LRRC49: variants seen among roughly 807,000 people sequenced by gnomAD.
The protein encoded by LRRC49 is leucine rich repeat containing 49.
LRRC49 carries 50 observed loss-of-function variants against 83.3 expected under a neutral mutation model. That is an observed-to-expected ratio of 0.60 (90% CI 0.48 to 0.76). The LOEUF (loss-of-function observed/expected upper bound fraction) is 0.76, where lower values mean the gene tolerates loss of function less well. Ranked by LOEUF, LRRC49 falls within the 30% of genes least tolerant of loss-of-function variation. The pLI, the probability that LRRC49 is intolerant of heterozygous loss-of-function variation, is 0.00. For synonymous variants in LRRC49, 286 were observed against 283.3 expected (o/e 1.01, Z -0.10); for missense variants, 704 against 809.1 (o/e 0.87, Z 1.58).
At position 70,937,085 on chromosome 15, in the gene LRRC49, T is replaced by G. The variant is rs551528214; in HGVS notation, c.773+263T>G. Among the ~76,000 whole-genome samples the G allele has an allele frequency of 2.6e-5, 4 of 152,354 alleles. No homozygotes were observed. In the South Asian group the frequency reaches 8.3e-4, roughly 32 times the overall value. ...TGCTCTTTTGTAAAACATGAGTACA[T>G]AGAAATTTCAATGTATATTTTGCTG... is the stretch of plus-strand genomic sequence containing the variant. On this transcript the variant is annotated intron_variant, in intron 8 of 15. Transcript: ENST00000260382.
At chr15:70,982,177 G>A (rs1310787693) in intron 10 of LRRC49, among the ~76,000 whole-genome samples, 2 of 152,070 alleles carry the variant, frequency 1.3e-5, no homozygotes, top group Non-Finnish European at 2.9e-5. Context: ...GTGGTCTAAA[G>A]ATATTTTATG....
chr15:71,039,371 T>C (rs2039628384), intron 15 of LRRC49, among the ~76,000 whole-genome samples: 1 of 152,176 alleles, frequency 6.6e-6, no homozygotes, highest in Non-Finnish European at 1.5e-5. Flanking sequence ...ATGTCTCCTC[T>C]TCCTGAATAC....
chr15:70,865,480 C>T (rs1250218111), intron 1 of LRRC49, among the ~76,000 whole-genome samples: 1 of 152,134 alleles, frequency 6.6e-6, no homozygotes, highest in Non-Finnish European at 1.5e-5. Flanking sequence ...ATGTTTCATT[C>T]CAAGAATGTT....
intron 12 of LRRC49, 123 bp from the exon 13 acceptor site, chr15:71,009,684 A>G: frequency 1.7e-6 from 1 of 602,994 alleles, no homozygotes; most frequent in East Asian, 2.9e-5. Context: ...GTAATTGAAA[A>G]CATATTTGCT....
rs543530116 is a variant in LRRC49 at position 70,918,754 on chromosome 15, C to G, written c.568-296C>G. On this transcript the variant is annotated intron_variant, in intron 6 of 15. Transcript: ENST00000260382. The stretch of plus-strand genomic sequence containing the variant: ...CAGGTAGTATGTAGCCTTCACAGAA[C>G]CTGGGACAGACTGGGCACGTAAAGT... 3.7e-5 allele frequency: 9 copies of G among 243,594 alleles called. No homozygotes were observed. The South Asian group carries it at 5.6e-4, about 15-fold the overall frequency. 15.1% of individuals were successfully genotyped at this position (243,594 alleles called of 1,614,324 possible). A position where few individuals can be genotyped will look rare whatever the true frequency, so the allele number is the denominator to read the frequency against.
chr15:70,858,056 C>T (rs2032694448), intron 1 of LRRC49, among the ~76,000 whole-genome samples: 1 of 152,184 alleles, frequency 6.6e-6, no homozygotes, highest in Admixed American at 6.5e-5. Flanking sequence ...TTCCAAGAAC[C>T]TTCATACCAA....
At chr15:70,985,929 C>T (rs1377316223) in intron 11 of LRRC49, among the ~76,000 whole-genome samples, 1 of 144,092 alleles carries the variant, frequency 6.9e-6, no homozygotes, top group Non-Finnish European at 1.5e-5. Context: ...TGTCAAAGAT[C>T]AGATAGTTGT....
chr15:70,933,706 A>C (rs531557677), intron 7 of LRRC49, among the ~76,000 whole-genome samples: 20 of 152,336 alleles, frequency 1.3e-4, no homozygotes, highest in African/African-American at 4.1e-4. Context: ...AGGCAGAGAC[A>C]GGAGATTTAG....
chr15:70,959,311 G>A (rs1238535784), intron 8 of LRRC49, among the ~76,000 whole-genome samples: 1 of 152,048 alleles, frequency 6.6e-6, no homozygotes, highest in Non-Finnish European at 1.5e-5. Context: ...TGGCCATGGT[G>A]AAACCCTGTC....
intron 2 of LRRC49, among the ~76,000 whole-genome samples, chr15:70,877,104 C>T (rs944725344): frequency 2.0e-5 from 3 of 152,180 alleles, no homozygotes; most frequent in African/African-American, 7.2e-5. Context: ...TATATCCTCT[C>T]TCTCCTTAAA....
chr15:70,869,560 G>C (rs2032985488), intron 1 of LRRC49, among the ~76,000 whole-genome samples: 1 of 152,108 alleles, frequency 6.6e-6, no homozygotes, highest in South Asian at 2.1e-4. Context: ...GGGCTGGTGG[G>C]CATTTTAGGC....
rs113210155 is a variant in LRRC49, at chr15:71,050,844, C to CT, written c.*1245dup. On this transcript the variant is annotated 3_prime_UTR_variant, in exon 16 of 16. Coordinates refer to ENST00000260382, the MANE Select transcript of LRRC49 (RefSeq NM_017691.5). ...AAGGCTGTCCTGGTTTTTTCTTTTT[C>CT]TTTTTTTTTTTTTGAGACAGAGTCT... 6,134 of 144,704 alleles carry CT rather than the reference C, an allele frequency of 0.042. 142 individuals are homozygous for CT. The highest frequency in any genetic ancestry group is 0.08 in the Middle Eastern group (22 of 276). 9.0% of individuals were successfully genotyped at this position (144,704 alleles called of 1,614,324 possible).
intron 9 of LRRC49, among the ~76,000 whole-genome samples, chr15:70,966,257 C>T (rs1264071115): frequency 2.0e-5 from 3 of 152,096 alleles, no homozygotes; most frequent in African/African-American, 7.2e-5. Flanking sequence ...GGTTCCTAAA[C>T]TGCGTGCAGA....
upstream of LRRC49, chr15:70,891,959 T>A (rs751079514): frequency 8.1e-6 from 13 of 1,613,576 alleles, no homozygotes; most frequent in Admixed American, 6.7e-5. Flanking sequence ...GCGGCCTGCT[T>A]GGTCTCCCTC....
chr15:70,905,567 T>G (rs574274840), intron 5 of LRRC49, among the ~76,000 whole-genome samples: 1 of 152,270 alleles, frequency 6.6e-6, no homozygotes, highest in East Asian at 1.9e-4. Flanking sequence ...GAGAAAAGCA[T>G]TAACAATTTA....
chr15:70,904,470 A>G, intron 4 of LRRC49, 82 bp from the exon 5 acceptor site: 2 of 923,250 alleles, frequency 2.2e-6, no homozygotes, highest in Non-Finnish European at 3.4e-6. Flanking sequence ...GAATGGGAGC[A>G]CAAAGATACT....
intron 1 of LRRC49, among the ~76,000 whole-genome samples, chr15:70,856,019 G>C (rs538830292): frequency 6.6e-6 from 1 of 152,050 alleles, no homozygotes; most frequent in Admixed American, 6.6e-5. Context: ...ATCTCGTGTG[G>C]CAAAGACATC....
chr15:70,898,375 A>G (rs1243723034), intron 3 of LRRC49: 1 of 695,600 alleles, frequency 1.4e-6, no homozygotes, highest in Non-Finnish European at 2.6e-6. Context: ...AGATTTTACC[A>G]AGAATATAAA....
intron 1 of LRRC49, among the ~76,000 whole-genome samples, chr15:70,865,732 A>G (rs551291257): frequency 6.6e-6 from 1 of 152,276 alleles, no homozygotes; most frequent in South Asian, 2.1e-4. Flanking sequence ...AGTATAACCT[A>G]CCTGTCTGGT....
Sources: allele counts gnomAD v4.1 joint callset (sites outside exome capture counted in the v4.1 genomes callset), GRCh38; gene constraint gnomAD v4.1.1; transcripts MANE v1.5; gene names NCBI Gene and HGNC (gene_info 2026-07-23, HGNC 2026-07-21).